Variants in ADARB2 observed in about 807,000 individuals in gnomAD.
The protein encoded by ADARB2 is adenosine deaminase RNA specific B2 (inactive).
Under a neutral mutation model 62.2 loss-of-function variants are expected in ADARB2, and 25 were observed. The ratio of observed to expected loss-of-function variants is 0.40; its 90% CI spans 0.29 to 0.56. The LOEUF (loss-of-function observed/expected upper bound fraction) is 0.56, where lower values mean the gene tolerates loss of function less well. ADARB2 is among the 20% of genes least tolerant of loss of function. The pLI, the probability that ADARB2 is intolerant of heterozygous loss-of-function variation, is 0.43. For missense variants in ADARB2, 1,071 were observed against 1,077.4 expected (o/e 0.99, Z 0.08); for synonymous variants, 572 against 500.8 (o/e 1.14, Z -1.90).
chr10:1,736,329 C>T (rs1269694876), intron 1 of ADARB2, among the ~76,000 whole-genome samples: 5 of 152,226 alleles, frequency 3.3e-5, no homozygotes, highest in Non-Finnish European at 7.3e-5. Flanking sequence ...CATTGACTAA[C>T]TTCAGCGCGG....
At chr10:1,723,172 C>T (rs1305844602) in intron 1 of ADARB2, among the ~76,000 whole-genome samples, 1 of 152,208 alleles carries the variant, frequency 6.6e-6, no homozygotes, top group Non-Finnish European at 1.5e-5. Context: ...GCTTTTACGG[C>T]CACTGCTAAC....
chr10:1,338,265 C>T (rs1417881004), intron 3 of ADARB2, among the ~76,000 whole-genome samples: 1 of 152,134 alleles, frequency 6.6e-6, no homozygotes, highest in Non-Finnish European at 1.5e-5. Flanking sequence ...GAGCTTCAGC[C>T]CAAATGCTTA....
chr10:1,576,701 A>G (rs1417683872), intron 1 of ADARB2, among the ~76,000 whole-genome samples: 1 of 152,144 alleles, frequency 6.6e-6, no homozygotes, highest in East Asian at 1.9e-4. Flanking sequence ...CCAGTTGGAG[A>G]TGGAGCAGCT....
At chr10:1,727,724 T>C (rs1835184467) in intron 1 of ADARB2, among the ~76,000 whole-genome samples, 1 of 152,206 alleles carries the variant, frequency 6.6e-6, no homozygotes, top group Non-Finnish European at 1.5e-5. Context: ...CGGAAGGTTA[T>C]TTTTGTTCCC....
At chr10:1,665,199 T>C (rs1454570177) in intron 1 of ADARB2, among the ~76,000 whole-genome samples, 4 of 152,256 alleles carry the variant, frequency 2.6e-5, no homozygotes, top group East Asian at 1.9e-4. Context: ...TTAATTTTAG[T>C]TATTTCCCCT....
chr10:1,601,162 A>G (rs867114999), intron 1 of ADARB2, among the ~76,000 whole-genome samples: 11 of 152,188 alleles, frequency 7.2e-5, no homozygotes, highest in South Asian at 4.2e-4. Flanking sequence ...CCTCTTTGGA[A>G]CACCCAACTC....
In ADARB2 at chr10:1,697,899, A is replaced by G. The variant is rs17156765; in HGVS notation, c.100+39152T>C. Among the ~76,000 whole-genome samples the G allele has an allele frequency of 7.5e-3, 1,136 of 152,288 alleles. 12 individuals are homozygous for G. The highest frequency in any genetic ancestry group is 0.026 in the African/African-American group (1,069 of 41,562). ...TCATCCCTATTTGAAGGTTCCTCTC[A>G]AGAAGTACAGCAAGGCAGAAGTCAG... On this transcript the variant is annotated intron_variant, in intron 1 of 9. Coordinates refer to ENST00000381312, the MANE Select transcript of ADARB2 (RefSeq NM_018702.4).
intron 1 of ADARB2, among the ~76,000 whole-genome samples, chr10:1,490,293 TATA>T (rs1392652842): frequency 6.6e-6 from 1 of 152,136 alleles, no homozygotes; most frequent in Admixed American, 6.5e-5. Context: ...TACTATAGAT[TATA>T]TGGAAATAAT....
At chr10:1,727,236 T>A (rs917353894) in intron 1 of ADARB2, among the ~76,000 whole-genome samples, 20 of 152,176 alleles carry the variant, frequency 1.3e-4, no homozygotes, top group Non-Finnish European at 5.9e-5. Context: ...TTGGCCCCCA[T>A]TCTTGAGAAA....
intron 6 of ADARB2, among the ~76,000 whole-genome samples, chr10:1,233,274 A>C (rs1284849627): frequency 2.0e-5 from 3 of 152,156 alleles, no homozygotes; most frequent in Non-Finnish European, 4.4e-5. Flanking sequence ...TTTGCAGGGA[A>C]TCACTCATCC....
rs562862928 is a variant in ADARB2 at position 1,379,139 on chromosome 10, G to A, written c.122C>T (p.Thr41Ile). The change falls in exon 2 of 10, where the codon ACC becomes ATC. Residue 41 changes from threonine to isoleucine, a missense_variant. Transcript: ENST00000381312. ...CAGGTGCTTGAAAGGAGCGAGGAAG[G>A]TTGACAATATGCTTACTTTATCTGG... ...KRKDKVSILSTFLAPFKHLSP... is the reference protein window; with the variant it reads ...KRKDKVSILSIFLAPFKHLSP... 1 of 1,613,476 alleles carries A rather than the reference G, an allele frequency of 6.2e-7. No homozygotes were observed. Among genetic ancestry groups the A allele is most frequent in the Non-Finnish European group, 8.5e-7 (1 of 1,179,468 alleles).
chr10:1,561,661 G>T (rs988947427), intron 1 of ADARB2, among the ~76,000 whole-genome samples: 1 of 152,106 alleles, frequency 6.6e-6, no homozygotes, highest in Non-Finnish European at 1.5e-5. Flanking sequence ...CAGCTGCTGG[G>T]CCTGATCCTG....
chr10:1,475,015 T>G (rs2676754), intron 1 of ADARB2, among the ~76,000 whole-genome samples: 65 of 151,938 alleles, frequency 4.3e-4, no homozygotes, highest in Non-Finnish European at 7.5e-4. Context: ...CCTGGTCTAA[T>G]GGTGCCACGC....
chr10:1,362,846 G>T (rs945454882), intron 3 of ADARB2, among the ~76,000 whole-genome samples, 182 bp downstream of exon 3: 2 of 151,866 alleles, frequency 1.3e-5, no homozygotes, highest in South Asian at 2.1e-4. Context: ...CCTCAAAACC[G>T]CCGGCAGCAC....
chr10:1,485,539 A>T (rs536303861), intron 1 of ADARB2, among the ~76,000 whole-genome samples: 1 of 152,262 alleles, frequency 6.6e-6, no homozygotes, highest in South Asian at 2.1e-4. Flanking sequence ...GCCGCTGCCC[A>T]CTTGCAGTGG....
At position 1,615,917 on chromosome 10, in the gene ADARB2, A is replaced by G. The variant is rs542044410; in HGVS notation, c.100+121134T>C. On this transcript the variant is annotated intron_variant, in intron 1 of 9. Transcript: ENST00000381312. ...CCTATGATGTTCATTGCATTTGTCA[A>G]TGGGAAACTGTGACCCCTAAATAAG... 9.2e-5 allele frequency among the ~76,000 whole-genome samples: 14 copies of G among 152,336 alleles called. No individual in the cohort carries two copies. In the South Asian group the frequency reaches 2.9e-3, roughly 32 times the overall value.
At chr10:1,334,500 T>C (rs557414864) in intron 3 of ADARB2, among the ~76,000 whole-genome samples, 170 of 152,350 alleles carry the variant, frequency 1.1e-3, no homozygotes, top group African/African-American at 3.9e-3. Flanking sequence ...ACATTTATAG[T>C]GTATTGCATG....
At chr10:1,672,808 C>T (rs1834408983) in intron 1 of ADARB2, among the ~76,000 whole-genome samples, 1 of 150,630 alleles carries the variant, frequency 6.6e-6, no homozygotes, top group South Asian at 2.1e-4. Flanking sequence ...GCAACCTCCA[C>T]GTCTGGTTTT....
At chr10:1,588,692 C>T (rs1472389336) in intron 1 of ADARB2, among the ~76,000 whole-genome samples, 1 of 152,204 alleles carries the variant, frequency 6.6e-6, no homozygotes, top group African/African-American at 2.4e-5. Context: ...GGAACAAAGG[C>T]AGGAAGACAG....
Sources: allele counts gnomAD v4.1 joint callset (sites outside exome capture counted in the v4.1 genomes callset), GRCh38; gene constraint gnomAD v4.1.1; transcripts MANE v1.5; gene names NCBI Gene and HGNC (gene_info 2026-07-23, HGNC 2026-07-21).